PDLIM4: variants seen among roughly 807,000 people sequenced by gnomAD.
The protein encoded by PDLIM4 is PDZ and LIM domain protein 4.
A neutral mutation model predicts 31.3 loss-of-function variants in PDLIM4; 19 were observed. The ratio of observed to expected loss-of-function variants is 0.61; its 90% CI spans 0.42 to 0.89. PDLIM4 has a LOEUF of 0.89. PDLIM4 is among the 40% of genes least tolerant of loss of function. The pLI is 0.00. For missense variants in PDLIM4, 442 were observed against 461.1 expected (o/e 0.96, Z 0.38); for synonymous variants, 176 against 190.1 (o/e 0.93, Z 0.61).
chr5:132,258,382 A>G (rs1297867536), intron 1 of PDLIM4, among the ~76,000 whole-genome samples: 2 of 152,142 alleles, frequency 1.3e-5, no homozygotes, highest in Non-Finnish European at 2.9e-5. Flanking sequence ...ACCAGGAGGA[A>G]TTTTGGCTTC....
intron 6 of PDLIM4, 29 bp downstream of exon 6, chr5:132,271,937 G>A: frequency 1.3e-6 from 2 of 1,593,184 alleles, no homozygotes; most frequent in Non-Finnish European, 8.6e-7. Flanking sequence ...TGCCCCTCCC[G>A]GACCCTAGCC....
chr5:132,267,101 A>AG (rs1454170837), intron 3 of PDLIM4, among the ~76,000 whole-genome samples: 2 of 152,112 alleles, frequency 1.3e-5, no homozygotes, highest in African/African-American at 4.8e-5. Context: ...AAGAAGAGTG[A>AG]GGGGGTCAGG....
rs184469438 is a variant in PDLIM4 at position 132,266,977 on chromosome 5, C to T, written c.327+432C>T. Among the ~76,000 whole-genome samples the T allele has an allele frequency of 5.4e-3, 818 of 152,338 alleles. 8 individuals carry two copies. Among genetic ancestry groups the T allele is most frequent in the Non-Finnish European group, 8.2e-3 (560 of 68,040 alleles). ...ACTCCTCTGAGTGCCCTATCCAAGC[C>T]TGAAGTTCTCTCCTGGCCATCCTGT... On this transcript the variant is annotated intron_variant, in intron 3 of 6. Coordinates refer to ENST00000253754, the MANE Select transcript of PDLIM4 (RefSeq NM_003687.4).
chr5:132,266,417 GT>G, intron 2 of PDLIM4, 46 bp from the exon 3 acceptor site: 3 of 1,322,474 alleles, frequency 2.3e-6, no homozygotes, highest in Non-Finnish European at 3.3e-6. Context: ...CCCAGGCATG[GT>G]GGGCGTGGTA....
chr5:132,265,304 A>C (rs994392613), intron 2 of PDLIM4, among the ~76,000 whole-genome samples: 1 of 152,194 alleles, frequency 6.6e-6, no homozygotes, highest in Non-Finnish European at 1.5e-5. Context: ...GCAGAACTTC[A>C]GGGAAGTTGA....
rs376066695 is a variant in PDLIM4, at chr5:132,271,693, G to C, written c.671-98G>C. 581 of 1,021,406 alleles carry C rather than the reference G, an allele frequency of 5.7e-4. 1 individual carries two copies. The highest frequency in any genetic ancestry group is 4.8e-3 in the African/African-American group (304 of 63,492). The allele number at this position is 1,021,406 out of a possible 1,614,324, so 63.3% of individuals were successfully genotyped here. On this transcript the variant is annotated intron_variant, in intron 5 of 6. Coordinates refer to ENST00000253754, the MANE Select transcript of PDLIM4 (RefSeq NM_003687.4). ...CCCGCCAAACCCGTTCCCCAGTCTC[G>C]GGTGCCGATGGCCCGTCTGGCGCCC... is the stretch of plus-strand genomic sequence containing the variant.
chr5:132,266,500 C>CA lies in PDLIM4; in HGVS notation c.283dup (p.Ser95LysfsTer13). On this transcript the variant is annotated frameshift_variant, in exon 3 of 7. Coordinates refer to ENST00000253754, the MANE Select transcript of PDLIM4 (RefSeq NM_003687.4). LOFTEE classifies it high-confidence loss of function. ...GGAGCTGGCCCAGTGCCCCTGATGACAGCAAGGCTCAGGCACACAGGATCC... is the reference window on the plus strand; with the variant it reads ...GGAGCTGGCCCAGTGCCCCTGATGACAAGCAAGGCTCAGGCACACAGGATCC... The CA allele has an allele frequency of 6.2e-7, 1 of 1,613,376 alleles. No homozygotes were observed. Among genetic ancestry groups the CA allele is most frequent in the Non-Finnish European group, 8.5e-7 (1 of 1,179,486 alleles).
At position 132,272,516 on chromosome 5, in the gene PDLIM4, T is replaced by C; in HGVS notation, c.*287T>C. The C allele has an allele frequency of 2.0e-6, 1 of 494,114 alleles. No individual in the cohort carries two copies. Among genetic ancestry groups the C allele is most frequent in the Non-Finnish European group, 3.7e-6 (1 of 268,348 alleles). 30.6% of individuals were successfully genotyped at this position (494,114 alleles called of 1,614,324 possible). ...CAGACCTGAATCACAACGGGCCAGC[T>C]CTAGTAATACGAAGGTGAGGTCTGG... On this transcript the variant is annotated 3_prime_UTR_variant, in exon 7 of 7. Transcript: ENST00000253754.
In PDLIM4 at chr5:132,272,300, C is replaced by T. The variant is rs1012624207; in HGVS notation, c.*71C>T. ...CCGGTGTAAATATGTTTCACCCTGT[C>T]CCTCTAATAAAGCTCCTCTGCTCCA... On this transcript the variant is annotated 3_prime_UTR_variant, in exon 7 of 7. Coordinates refer to ENST00000253754, the MANE Select transcript of PDLIM4 (RefSeq NM_003687.4). The T allele has an allele frequency of 7.7e-7, 1 of 1,291,704 alleles. No individual in the cohort carries two copies. Among genetic ancestry groups the T allele is most frequent in the South Asian group, 1.2e-5 (1 of 80,764 alleles). The allele number at this position is 1,291,704 out of a possible 1,614,324, so 80.0% of individuals were successfully genotyped here. A position where few individuals can be genotyped will look rare whatever the true frequency, so the allele number is the denominator to read the frequency against.
At position 132,259,008 on chromosome 5, in the gene PDLIM4, G is replaced by A. The variant is rs1286062994; in HGVS notation, c.93+1181G>A. ...GAATCCCGTTTCTGGGGGCCAGGGT[G>A]ACAGGCAGGCCCAGCTGTCCTAGGA... On this transcript the variant is annotated intron_variant, in intron 1 of 6. Coordinates refer to ENST00000253754, the MANE Select transcript of PDLIM4 (RefSeq NM_003687.4). Among the ~76,000 whole-genome samples the A allele has an allele frequency of 1.3e-5, 2 of 152,204 alleles. 1 individual carries two copies. The highest frequency in any genetic ancestry group is 2.9e-5 in the Non-Finnish European group (2 of 68,030).
At position 132,271,781 on chromosome 5, in the gene PDLIM4, CG is replaced by C; in HGVS notation, c.671-7del. On this transcript the variant is annotated splice_polypyrimidine_tract_variant and intron_variant, in intron 5 of 6. Coordinates refer to ENST00000253754, the MANE Select transcript of PDLIM4 (RefSeq NM_003687.4). ...CACCCCGTTCATGCCACCTACGCTCCGGGTTTCAGGGGATTGGCCCGGGCCT... is the reference window on the plus strand; with the variant it reads ...CACCCCGTTCATGCCACCTACGCTCCGGTTTCAGGGGATTGGCCCGGGCCT... 6.3e-7 allele frequency: 1 copy of C among 1,582,740 alleles called. No individual in the cohort carries two copies. The highest frequency in any genetic ancestry group is 8.7e-7 in the Non-Finnish European group (1 of 1,151,960).
chr5:132,262,677 TGAGA>T lies in PDLIM4; in HGVS notation c.164_167del (p.Glu55AlafsTer5). ...GAGACCTGATCCAGGCCATCAATGGTGAGAGCACAGAGCTCATGACACACCTGGA... is the reference window on the plus strand; with the variant it reads ...GAGACCTGATCCAGGCCATCAATGGTGCACAGAGCTCATGACACACCTGGA... On this transcript the variant is annotated frameshift_variant, in exon 2 of 7. Coordinates refer to ENST00000253754, the MANE Select transcript of PDLIM4 (RefSeq NM_003687.4). LOFTEE classifies it high-confidence loss of function. 6.2e-7 allele frequency: 1 copy of T among 1,613,066 alleles called. No homozygotes were observed. Among genetic ancestry groups the T allele is most frequent in the Non-Finnish European group, 8.5e-7 (1 of 1,179,532 alleles).
rs1580806146 is a variant in PDLIM4 at position 132,273,111 on chromosome 5, G to A, written c.*882G>A. 1 of 152,432 alleles carries A rather than the reference G, an allele frequency of 6.6e-6. No individual in the cohort carries two copies. Among genetic ancestry groups the A allele is most frequent in the South Asian group, 2.1e-4 (1 of 4,828 alleles). 9.4% of individuals were successfully genotyped at this position (152,432 alleles called of 1,614,324 possible). On this transcript the variant is annotated 3_prime_UTR_variant, in exon 7 of 7. Coordinates refer to ENST00000253754, the MANE Select transcript of PDLIM4 (RefSeq NM_003687.4). ...GTTTACCTCGTGGTGTGTTTGCCTT[G>A]GGCCTTTCATGCCCCGGCTGCACAC...
rs780562316 is a variant in PDLIM4, at chr5:132,271,808, G to A, written c.688G>A (p.Gly230Ser). The A allele has an allele frequency of 4.3e-6, 7 of 1,611,020 alleles. No homozygotes were observed. The highest frequency in any genetic ancestry group is 5.9e-6 in the Non-Finnish European group (7 of 1,177,780). The change falls in exon 6 of 7, where the codon GGC becomes AGC. Residue 230 changes from glycine (G) to serine (S), a missense_variant. Physicochemically the swap from Gly to Ser is moderately conservative, Grantham distance 56 (BLOSUM62 0). Transcript: ENST00000253754. ...AGEGGDWPGP[G>S]GPRNLKPTAS... ...GGTTTCAGGGGATTGGCCCGGGCCT[G>A]GCGGCCCCCGGAACCTCAAGCCCAC...
In PDLIM4 at chr5:132,271,332, G is replaced by A. The variant is rs768692528; in HGVS notation, c.536G>A (p.Ser179Asn). The change falls in exon 5 of 7, where the codon AGC (serine) becomes AAC (asparagine). Residue 179 changes from serine to asparagine, a missense_variant. Coordinates refer to ENST00000253754, the MANE Select transcript of PDLIM4 (RefSeq NM_003687.4). ...SADPARGLPRSRDCRVDLGSE... is the reference protein window; with the variant it reads ...SADPARGLPRNRDCRVDLGSE... The stretch of plus-strand genomic sequence containing the variant: ...GACCCAGCCAGAGGCCTCCCGCGGA[G>A]CCGGGACTGCAGAGTCGACCTGGGC... 7 of 1,598,570 alleles carry A rather than the reference G, an allele frequency of 4.4e-6. No individual in the cohort carries two copies. Among genetic ancestry groups the A allele is most frequent in the Non-Finnish European group, 4.3e-6 (5 of 1,174,216 alleles).
intron 2 of PDLIM4, among the ~76,000 whole-genome samples, chr5:132,263,664 A>G (rs866162881): frequency 1.3e-5 from 2 of 152,176 alleles, no homozygotes; most frequent in Admixed American, 6.5e-5. Flanking sequence ...TGCCGTGTTC[A>G]CTGCTGAGGG....
rs775352397 is a variant in PDLIM4, at chr5:132,271,847, G to C, written c.727G>C (p.Gly243Arg). 1 of 1,612,690 alleles carries C rather than the reference G, an allele frequency of 6.2e-7. No homozygotes were observed. Among genetic ancestry groups the C allele is most frequent in the South Asian group, 1.1e-5 (1 of 91,048 alleles). Residue 243 changes from glycine (G) to arginine (R), a missense_variant, in exon 6 of 7, where the codon GGC becomes CGC. Gly to Arg is a moderately radical substitution (Grantham distance 125, BLOSUM62 -2). Coordinates refer to ENST00000253754, the MANE Select transcript of PDLIM4 (RefSeq NM_003687.4). ...CCTCAAGCCCACGGCCAGCAAGCTG[G>C]GCGCTCCGCTGAGCGGCCTGCAGGG... Reference protein sequence around the residue: ...RNLKPTASKLGAPLSGLQGLP... With the variant: ...RNLKPTASKLRAPLSGLQGLP...
chr5:132,265,590 C>T (rs1756474176), intron 2 of PDLIM4, among the ~76,000 whole-genome samples: 1 of 152,136 alleles, frequency 6.6e-6, no homozygotes. Context: ...TTATTAAAAC[C>T]CTCAACTGAA....
intron 2 of PDLIM4, among the ~76,000 whole-genome samples, chr5:132,263,933 C>G (rs981114965): frequency 6.6e-6 from 1 of 152,204 alleles, no homozygotes; most frequent in Non-Finnish European, 1.5e-5. Flanking sequence ...TCTATGAGCC[C>G]GGGGTTTCCT....
Sources: gnomAD v4.1 joint callset for allele counts (sites outside exome capture counted in the v4.1 genomes callset) on GRCh38, gnomAD v4.1.1 for gene constraint, MANE v1.5 for transcripts, NCBI Gene and HGNC (gene_info 2026-07-23, HGNC 2026-07-21) for gene names.